TAF3: variants seen among roughly 807,000 people sequenced by gnomAD.
TAF3 encodes the protein transcription initiation factor TFIID subunit 3.
A neutral mutation model predicts 80.6 loss-of-function variants in TAF3; 7 were observed. The observed-to-expected ratio is 0.09, with a 90% CI of 0.05 to 0.16. TAF3 has a LOEUF of 0.16. Among genes scored for constraint, TAF3 ranks in the 10% least tolerant of loss-of-function variants. The probability of loss-of-function intolerance (pLI) is 1.00; values close to 1 mark genes in which losing one functional copy is unlikely to be tolerated. For synonymous variants in TAF3, 444 were observed against 446.1 expected (o/e 1.00, Z 0.06); for missense variants, 921 against 1,140.2 (o/e 0.81, Z 2.77).
At chr10:7,945,102 T>C (rs1838012046) in intron 2 of TAF3, among the ~76,000 whole-genome samples, 1 of 152,208 alleles carries the variant, frequency 6.6e-6, no homozygotes, top group Non-Finnish European at 1.5e-5. Context: ...TAAGGCTTTG[T>C]CCCAGAGATG....
chr10:7,964,964 T>G lies in TAF3; in HGVS notation c.1454T>G (p.Met485Arg). Residue 485 changes from methionine (M) to arginine (R), a missense_variant, in exon 3 of 7, where the codon ATG becomes AGG. Around this residue, in one of 6 missense-constraint regions of TAF3, gnomAD observed 743 missense variants for 821.0 expected, o/e 0.90. Coordinates refer to ENST00000344293, the MANE Select transcript of TAF3 (RefSeq NM_031923.4). This position sits in a 1 kb window ranked among gnomAD's most constrained non-coding sequence, Gnocchi z 4.1. Reference protein sequence around the residue: ...RKAKLGTPSNMPPNFPYISSP... With the variant: ...RKAKLGTPSNRPPNFPYISSP... ...GCAAAACTGGGAACACCTTCAAATA[T>G]GCCCCCCAACTTTCCTTATATCTCT... 1 of 1,614,114 alleles carries G rather than the reference T, an allele frequency of 6.2e-7. No individual in the cohort carries two copies. The highest frequency in any genetic ancestry group is 8.5e-7 in the Non-Finnish European group (1 of 1,180,018).
chr10:7,826,553 C>T (rs1836743538), intron 2 of TAF3, among the ~76,000 whole-genome samples: 2 of 152,002 alleles, frequency 1.3e-5, no homozygotes, highest in African/African-American at 4.8e-5. Context: ...AAAAGAAACT[C>T]ATTTAGTTTT....
chr10:7,874,159 G>C (rs1228893915), intron 2 of TAF3, among the ~76,000 whole-genome samples: 1 of 152,120 alleles, frequency 6.6e-6, no homozygotes, highest in East Asian at 1.9e-4. Flanking sequence ...TATCTGAATG[G>C]AGCTCAGGAG....
intron 2 of TAF3, among the ~76,000 whole-genome samples, chr10:7,957,376 G>A (rs748409256): frequency 3.3e-5 from 5 of 152,154 alleles, no homozygotes; most frequent in Non-Finnish European, 7.3e-5. Context: ...TGGTTTTACA[G>A]AGATCACGGG....
chr10:7,963,234 A>G (rs924831186), intron 2 of TAF3, among the ~76,000 whole-genome samples: 1 of 152,242 alleles, frequency 6.6e-6, no homozygotes, highest in Admixed American at 6.5e-5. Flanking sequence ...ACTAAGTCCT[A>G]TAATAATCCA....
intron 4 of TAF3, among the ~76,000 whole-genome samples, chr10:7,984,707 G>C (rs943874015): frequency 6.6e-6 from 1 of 152,166 alleles, no homozygotes; most frequent in African/African-American, 2.4e-5. Context: ...CAAGGTCCAC[G>C]ATCACTAATT....
In TAF3 at chr10:7,818,649, G is replaced by T; in HGVS notation, c.-61G>T. On this transcript the variant is annotated 5_prime_UTR_variant, in exon 1 of 7. Transcript: ENST00000344293. ...AGGATGAATCGGGGACCCTGCTAAG[G>T]TCTGGCGGCGGGGCTGGAGAGCAGT... 1 of 1,566,438 alleles carries T rather than the reference G, an allele frequency of 6.4e-7. No individual in the cohort carries two copies.
intron 5 of TAF3, among the ~76,000 whole-genome samples, chr10:8,012,531 C>T (rs1005396952): frequency 7.9e-5 from 12 of 152,214 alleles, no homozygotes; most frequent in African/African-American, 2.9e-4. Context: ...GGTCAGCCAG[C>T]AGCAGGACTG....
chr10:7,860,588 G>T (rs1336507450), intron 2 of TAF3, among the ~76,000 whole-genome samples: 1 of 152,112 alleles, frequency 6.6e-6, no homozygotes, highest in Non-Finnish European at 1.5e-5. Flanking sequence ...AAACAAAAAA[G>T]ATAAATGCTT....
At chr10:7,819,013 T>C in intron 1 of TAF3, 138 bp downstream of exon 1, 7 of 864,104 alleles carry the variant, frequency 8.1e-6, no homozygotes, top group Non-Finnish European at 1.1e-5. Context: ...GCCTCCCACG[T>C]CCCTGGGCTT....
chr10:8,013,080 T>G (rs1832069773), intron 5 of TAF3, among the ~76,000 whole-genome samples: 1 of 152,208 alleles, frequency 6.6e-6, no homozygotes, highest in Non-Finnish European at 1.5e-5. Flanking sequence ...TGTAGCAAAA[T>G]AATGTTGAAC....
intron 2 of TAF3, among the ~76,000 whole-genome samples, chr10:7,922,939 G>C (rs1256478036): frequency 6.6e-6 from 1 of 151,980 alleles, no homozygotes; most frequent in African/African-American, 2.4e-5. Flanking sequence ...GTATCTTCCA[G>C]ATTCTACACT....
chr10:7,846,346 C>A (rs1028257788), intron 2 of TAF3, among the ~76,000 whole-genome samples: 1 of 152,066 alleles, frequency 6.6e-6, no homozygotes, highest in Non-Finnish European at 1.5e-5. Flanking sequence ...ATATAGAATA[C>A]CCATTATATT....
intron 2 of TAF3, among the ~76,000 whole-genome samples, chr10:7,933,165 A>G (rs1464410732): frequency 6.6e-6 from 1 of 152,176 alleles, no homozygotes; most frequent in Non-Finnish European, 1.5e-5. Context: ...TTACCTTTAT[A>G]TTTCATGTTA....
At position 7,820,157 on chromosome 10, in the gene TAF3, G is replaced by C. The variant is rs142481793; in HGVS notation, c.166+1282G>C. 2.3e-3 allele frequency among the ~76,000 whole-genome samples: 344 copies of C among 152,166 alleles called. 2 individuals carry two copies. The highest frequency in any genetic ancestry group is 7.8e-3 in the African/African-American group (324 of 41,490). On this transcript the variant is annotated intron_variant, in intron 1 of 6. Transcript: ENST00000344293. ...CTTACCTAGAGTGTCCTTTGCCCGT[G>C]GCCCACCAATAGTATTACTTTTATT...
chr10:7,883,668 A>G (rs1837381741), intron 2 of TAF3, among the ~76,000 whole-genome samples: 2 of 152,140 alleles, frequency 1.3e-5, no homozygotes, highest in African/African-American at 4.8e-5. Flanking sequence ...TCTTCCTTCT[A>G]CATTTATCAG....
intron 2 of TAF3, among the ~76,000 whole-genome samples, chr10:7,962,976 C>T (rs1476473736): frequency 1.3e-5 from 2 of 152,116 alleles, no homozygotes; most frequent in Non-Finnish European, 2.9e-5. Context: ...ACATCGGCTC[C>T]TTTTTGAAAG....
chr10:7,911,080 A>C (rs963003069), intron 2 of TAF3, among the ~76,000 whole-genome samples: 5 of 152,188 alleles, frequency 3.3e-5, no homozygotes, highest in African/African-American at 4.8e-5. Flanking sequence ...TAATTATATG[A>C]TTTTTGAGGG....
intron 2 of TAF3, among the ~76,000 whole-genome samples, chr10:7,828,945 A>T (rs1056993887): frequency 7.0e-6 from 1 of 142,882 alleles, no homozygotes; most frequent in African/African-American, 2.6e-5. Context: ...TGGGAGAATC[A>T]CTTGAATCCG....
Sources: allele counts gnomAD v4.1 joint callset (sites outside exome capture counted in the v4.1 genomes callset), GRCh38; gene constraint gnomAD v4.1.1; regional missense constraint gnomAD v4.1.1; non-coding constraint Gnocchi (gnomAD v3.1); transcripts MANE v1.5; gene names NCBI Gene and HGNC (gene_info 2026-07-23, HGNC 2026-07-21).